Variants in MYO15B observed in about 807,000 individuals in gnomAD.
MYO15B encodes the protein myosin XVB, also known as myosin XVB pseudogene.
A neutral mutation model predicts 119.3 loss-of-function variants in MYO15B; 207 were observed. That is an observed-to-expected ratio of 1.73 (90% CI 1.55 to 1.95). The LOEUF (loss-of-function observed/expected upper bound fraction) is 1.95, where lower values mean the gene tolerates loss of function less well. Among genes scored for constraint, MYO15B ranks in the 30% most tolerant of loss-of-function variants. The pLI is 0.00. For synonymous variants in MYO15B, 966 were observed against 498.9 expected, an observed-to-expected ratio of 1.94 and a Z score of -12.48; for missense variants, 2,264 against 1,203.1, an observed-to-expected ratio of 1.88 and a Z score of -13.04.
chr17:75,590,911 T>C, exon 3 of MYO15B: 1 of 480,278 alleles, frequency 2.1e-6, no homozygotes, highest in Non-Finnish European at 3.8e-6. Flanking sequence ...CCCCAGACCT[T>C]TGGGGGGCCT....
At chr17:75,624,318 T>C in intron 56 of MYO15B, 49 bp downstream of exon 56, 1 of 702,448 alleles carries the variant, frequency 1.4e-6, no homozygotes, top group Non-Finnish European at 2.6e-6. Context: ...GGGTGGGGAG[T>C]GTCTCCTACA....
At chr17:75,595,959 G>A (rs772770221) in intron 12 of MYO15B, among the ~76,000 whole-genome samples, 15 of 152,230 alleles carry the variant, frequency 9.9e-5, no homozygotes, top group South Asian at 2.1e-4. Flanking sequence ...CCTTGTGACC[G>A]TGCCCTCCCT....
chr17:75,624,466 A>T lies in MYO15B; in HGVS notation c.8445+19A>T. 1 of 702,958 alleles carries T rather than the reference A, an allele frequency of 1.4e-6. No individual in the cohort carries two copies. The highest frequency in any genetic ancestry group is 2.6e-6 in the Non-Finnish European group (1 of 384,982). The allele number at this position is 702,958 out of a possible 1,614,324, so 43.5% of individuals were successfully genotyped here. A position where few individuals can be genotyped will look rare whatever the true frequency, so the allele number is the denominator to read the frequency against. The stretch of plus-strand genomic sequence containing the variant: ...TTTCACAGTGAGCTTGGGGGCCACC[A>T]AGGGAGGAGGCCTTGGGCATCAGTT... On this transcript the variant is annotated intron_variant, in intron 57 of 63. Transcript: ENST00000645453.
intron 14 of MYO15B, 138 bp from the exon 15 acceptor site, chr17:75,601,300 A>C: frequency 1.7e-6 from 1 of 588,422 alleles, no homozygotes; most frequent in African/African-American, 1.9e-5. Context: ...CGGCCTCCCA[A>C]AGCGCTTGTT....
At chr17:75,606,947 T>A in intron 21 of MYO15B, 1 of 398,498 alleles carries the variant, frequency 2.5e-6, no homozygotes. Context: ...TCTTCACACA[T>A]TCCTCCAACA....
rs564887916 is a variant in MYO15B, at chr17:75,603,480, C to T, written c.4016+168C>T. Reference sequence around the variant, plus strand: ...TCTCATCCTCTCTCTCTCTCTCTTTCTCTCTCCATCTCACTCTCTTCTACC... The same window carrying T: ...TCTCATCCTCTCTCTCTCTCTCTTTTTCTCTCCATCTCACTCTCTTCTACC... On this transcript the variant is annotated intron_variant, in intron 19 of 63. Transcript: ENST00000645453. Among the ~76,000 whole-genome samples, 6 of 152,210 alleles carry T rather than the reference C, an allele frequency of 3.9e-5. No individual in the cohort carries two copies. The South Asian group carries it at 8.3e-4, about 21-fold the overall frequency.
intron 41 of MYO15B, chr17:75,617,566 T>G (rs781473687): frequency 6.3e-4 from 215 of 342,298 alleles, no homozygotes; most frequent in Non-Finnish European, 8.8e-4. Context: ...GACAGCTCTG[T>G]GAGGAAGTTA....
intron 21 of MYO15B, chr17:75,607,046 G>A: frequency 2.5e-6 from 1 of 398,354 alleles, no homozygotes; most frequent in Non-Finnish European, 4.4e-6. Flanking sequence ...TCCCAGGCTG[G>A]TTGGGAAGTC....
At position 75,616,410 on chromosome 17, in the gene MYO15B, G is replaced by A; in HGVS notation, c.6208G>A (p.Glu2070Lys). 6 of 624,662 alleles carry A rather than the reference G, an allele frequency of 9.6e-6. No homozygotes were observed. In the Middle Eastern group the frequency reaches 7.7e-4, roughly 80 times the overall value. 38.7% of individuals were successfully genotyped at this position (624,662 alleles called of 1,614,324 possible). Residue 2070 changes from glutamate (E) to lysine (K), a missense_variant, in exon 38 of 64, where the codon GAG (glutamate) becomes AAG (lysine). By Grantham distance (56) the Glu-to-Lys change is moderately conservative. Transcript: ENST00000645453. ...GGAGGAGGAGGAGGAGGAGGAGGAG[G>A]AGGAGCAGGAGGAGCAAGAAGTGGA...
chr17:75,589,408 C>T lies in MYO15B; in HGVS notation c.1351C>T (p.Arg451Trp), dbSNP rs2056287561. 2 of 281,584 alleles carry T rather than the reference C, an allele frequency of 7.1e-6. No individual in the cohort carries two copies. The highest frequency in any genetic ancestry group is 2.9e-5 in the African/African-American group (1 of 34,028). The allele number at this position is 281,584 out of a possible 1,614,324, so 17.4% of individuals were successfully genotyped here. The change falls in exon 1 of 64, where the codon CGG becomes TGG. Residue 451 changes from arginine to tryptophan, a missense_variant. By Grantham distance (101) the Arg-to-Trp change is moderately radical. Coordinates refer to ENST00000645453, the Ensembl canonical transcript of MYO15B. The surrounding 1 kb of genome is among the most constrained non-coding windows in gnomAD (Gnocchi z 4.2). ...GGGCCGCGGGAAAGCGGACGAAGGGCGGGGCCACGAGCGAGGGTACGAGGG... is the reference window on the plus strand; with the variant it reads ...GGGCCGCGGGAAAGCGGACGAAGGGTGGGGCCACGAGCGAGGGTACGAGGG...
chr17:75,624,665 G>A (rs773470840), intron 58 of MYO15B, 26 bp downstream of exon 58: 6 of 703,040 alleles, frequency 8.5e-6, no homozygotes, highest in Admixed American at 2.0e-5. Context: ...GAGCCTCACG[G>A]TGGGGCCACT....
At chr17:75,593,079 G>A (rs962027107) in intron 9 of MYO15B, 5 of 461,124 alleles carry the variant, frequency 1.1e-5, no homozygotes, top group African/African-American at 1.0e-4. Context: ...AGCAGCTATG[G>A]TCAGGCATGG....
exon 27 of MYO15B, chr17:75,613,004 G>A (rs1237497442): frequency 2.9e-6 from 2 of 694,274 alleles, no homozygotes; most frequent in African/African-American, 1.8e-5. Context: ...CGGATCCCTG[G>A]AGTCCTGGCA....
chr17:75,624,023 C>T lies in MYO15B; in HGVS notation c.8231C>T (p.Pro2744Leu), dbSNP rs1293093543. 1.6e-5 allele frequency: 11 copies of T among 702,898 alleles called. 1 individual carries two copies. The highest frequency in any genetic ancestry group is 4.6e-4 in the Middle Eastern group (2 of 4,392). The allele number at this position is 702,898 out of a possible 1,614,324, so 43.5% of individuals were successfully genotyped here. The change falls in exon 55 of 64, where the codon CCC becomes CTC. Residue 2744 changes from proline to leucine, a missense_variant. Coordinates refer to ENST00000645453, the Ensembl canonical transcript of MYO15B. ...TTCCCCCCGTCGACCAGGCTGATGC[C>T]CTACCTGACCAAGTTTCTGCAGGAT... is the stretch of plus-strand genomic sequence containing the variant.
At position 75,615,055 on chromosome 17, in the gene MYO15B, C is replaced by G; in HGVS notation, c.5641+13C>G. 1 of 699,370 alleles carries G rather than the reference C, an allele frequency of 1.4e-6. No individual in the cohort carries two copies. Among genetic ancestry groups the G allele is most frequent in the South Asian group, 1.5e-5 (1 of 67,550 alleles). The allele number at this position is 699,370 out of a possible 1,614,324, so 43.3% of individuals were successfully genotyped here. A position where few individuals can be genotyped will look rare whatever the true frequency, so the allele number is the denominator to read the frequency against. On this transcript the variant is annotated intron_variant, in intron 33 of 63. Transcript: ENST00000645453. ...GGCTACCCCATGGGTGAGTGAGGGGCTGATTCCTCACCCAGGGCCTCCGGG... is the reference window on the plus strand; with the variant it reads ...GGCTACCCCATGGGTGAGTGAGGGGGTGATTCCTCACCCAGGGCCTCCGGG...
At chr17:75,623,140 G>C (rs751442017) in intron 53 of MYO15B, among the ~76,000 whole-genome samples, 2 of 151,188 alleles carry the variant, frequency 1.3e-5, no homozygotes, top group African/African-American at 2.4e-5. Context: ...AGACCAGCCC[G>C]GCCAACATGG....
chr17:75,626,118 C>G (rs2059042397), exon 63 of MYO15B: 1 of 702,988 alleles, frequency 1.4e-6, no homozygotes, highest in Non-Finnish European at 2.6e-6. Context: ...CCTGAAGAGC[C>G]TGCAGCGGCT....
chr17:75,611,636 C>G (rs148285244), exon 24 of MYO15B: 1 of 702,686 alleles, frequency 1.4e-6, no homozygotes. Flanking sequence ...CTGAGCTGGC[C>G]GTCATGCTGA....
At chr17:75,626,533 A>C (rs1266414344) in exon 64 of MYO15B, 7 of 702,540 alleles carry the variant, frequency 1.0e-5, no homozygotes, top group Non-Finnish European at 1.8e-5. Flanking sequence ...CCCCGGCCCA[A>C]GTCTCACCCA....
Sources: allele counts gnomAD v4.1 joint callset (sites outside exome capture counted in the v4.1 genomes callset), GRCh38; gene constraint gnomAD v4.1.1; non-coding constraint Gnocchi (gnomAD v3.1); transcripts MANE v1.5; gene names NCBI Gene and HGNC (gene_info 2026-07-23, HGNC 2026-07-21).